COL5A1: variants seen among roughly 807,000 people sequenced by gnomAD.
COL5A1 encodes the protein collagen alpha-1(V) chain.
Under a neutral mutation model 263.7 loss-of-function variants are expected in COL5A1, and 16 were observed. The ratio of observed to expected loss-of-function variants is 0.06; its 90% CI spans 0.04 to 0.09. COL5A1 has a LOEUF of 0.09. Among genes scored for constraint, COL5A1 ranks in the 10% least tolerant of loss-of-function variants. COL5A1 has a pLI of 1.00. For synonymous variants in COL5A1, 1,012 were observed against 1,004.5 expected, an observed-to-expected ratio of 1.01 and a Z score of -0.14; for missense variants, 2,036 against 2,540.5, an observed-to-expected ratio of 0.80 and a Z score of 4.27.
At chr9:134,828,690 CATACCACAT>C (rs1194704778) in intron 63 of COL5A1, among the ~76,000 whole-genome samples, 5 of 151,034 alleles carry the variant, frequency 3.3e-5, no homozygotes, top group African/African-American at 9.9e-5. Context: ...ACACACCACA[CATACCACAT>C]ACCACACATA....
intron 1 of COL5A1, among the ~76,000 whole-genome samples, chr9:134,689,455 A>G (rs757297620): frequency 6.6e-6 from 1 of 152,158 alleles, no homozygotes; most frequent in Non-Finnish European, 1.5e-5. Context: ...TCCAATTGGC[A>G]TTAGCATAAA....
At chr9:134,748,084 C>G (rs866450296) in intron 11 of COL5A1, among the ~76,000 whole-genome samples, 1 of 150,670 alleles carries the variant, frequency 6.6e-6, no homozygotes, top group Non-Finnish European at 1.5e-5. Context: ...CACAAACATG[C>G]ATGCACAGAC....
Position 134,821,954 on chromosome 9 carries a change from C to G in COL5A1, c.4555-143C>G. ...TGCACAGCCCAGGATCAGAAAGCAGCCACAGGAGGCTGCTGAGGGGCCAAA... is the reference window on the plus strand; with the variant it reads ...TGCACAGCCCAGGATCAGAAAGCAGGCACAGGAGGCTGCTGAGGGGCCAAA... On this transcript the variant is annotated intron_variant, in intron 58 of 65. Transcript: ENST00000371817. The surrounding 1 kb of genome is among the most constrained non-coding windows in gnomAD (Gnocchi z 4.2). 1.3e-6 allele frequency: 1 copy of G among 763,938 alleles called. No individual in the cohort carries two copies. Among genetic ancestry groups the G allele is most frequent in the Non-Finnish European group, 2.3e-6 (1 of 427,084 alleles). The allele number at this position is 763,938 out of a possible 1,614,324, so 47.3% of individuals were successfully genotyped here.
At chr9:134,687,807 T>G (rs1037725403) in intron 1 of COL5A1, among the ~76,000 whole-genome samples, 2 of 152,150 alleles carry the variant, frequency 1.3e-5, no homozygotes, top group Admixed American at 6.5e-5. Flanking sequence ...AGAGAGGGGC[T>G]CTTGTTTGTT....
intron 62 of COL5A1, among the ~76,000 whole-genome samples, chr9:134,825,314 A>G (rs753460638): frequency 2.0e-5 from 3 of 152,178 alleles, no homozygotes; most frequent in Non-Finnish European, 2.9e-5. Context: ...TACTGTAAAA[A>G]CACATCCTTC....
chr9:134,735,302 C>CCCA (rs1554789012), intron 9 of COL5A1, among the ~76,000 whole-genome samples: 1 of 152,112 alleles, frequency 6.6e-6, no homozygotes, highest in South Asian at 2.1e-4. Context: ...TGATCCTGCA[C>CCCA]CCACCACCAC....
intron 11 of COL5A1, among the ~76,000 whole-genome samples, chr9:134,740,854 T>G (rs1464286548): frequency 1.3e-5 from 2 of 152,192 alleles, no homozygotes; most frequent in Non-Finnish European, 2.9e-5. Flanking sequence ...CTGGTCCTCC[T>G]CAAACTCACA....
At chr9:134,645,378 T>C (rs1831443996) in intron 1 of COL5A1, among the ~76,000 whole-genome samples, 1 of 152,136 alleles carries the variant, frequency 6.6e-6, no homozygotes, top group African/African-American at 2.4e-5. Flanking sequence ...TCCTGGGAGA[T>C]AGACCTTGAT....
At chr9:134,774,093 T>C (rs1158554947) in intron 26 of COL5A1, among the ~76,000 whole-genome samples, 2 of 152,266 alleles carry the variant, frequency 1.3e-5, no homozygotes, top group East Asian at 1.9e-4. Context: ...CCCACTGTTC[T>C]GAGAGCTGGC....
chr9:134,796,675 C>G (rs1340421152), intron 35 of COL5A1, among the ~76,000 whole-genome samples, 173 bp from the exon 36 acceptor site: 3 of 152,190 alleles, frequency 2.0e-5, no homozygotes, highest in Admixed American at 1.3e-4. Flanking sequence ...GGGCCCCATC[C>G]TGCCCCCGAG....
intron 61 of COL5A1, 35 bp downstream of exon 61, chr9:134,823,504 G>A (rs1474686085): frequency 1.2e-6 from 2 of 1,609,700 alleles, no homozygotes; most frequent in Admixed American, 1.7e-5. Flanking sequence ...AGCGGGACGG[G>A]GGCTCTGGCT....
Position 134,680,728 on chromosome 9 carries a change from T to C in COL5A1, c.110-10184T>C, listed in dbSNP as rs1481292305. Among the ~76,000 whole-genome samples, 1 of 152,180 alleles carries C rather than the reference T, an allele frequency of 6.6e-6. No individual in the cohort carries two copies. Among genetic ancestry groups the C allele is most frequent in the African/African-American group, 2.4e-5 (1 of 41,442 alleles). ...CAGGACGGTGACACTGGTGAGGAGATGGACCTGTGACAGCCAGGGCCTCCC... is the reference window on the plus strand; with the variant it reads ...CAGGACGGTGACACTGGTGAGGAGACGGACCTGTGACAGCCAGGGCCTCCC... On this transcript the variant is annotated intron_variant, in intron 1 of 65. Transcript: ENST00000371817. This position sits in a 1 kb window ranked among gnomAD's most constrained non-coding sequence, Gnocchi z 5.9.
chr9:134,828,705 A>ACAGACACACC, intron 63 of COL5A1, among the ~76,000 whole-genome samples: 3 of 494 alleles, frequency 6.1e-3, no homozygotes, highest in Non-Finnish European at 0.011. Context: ...CACATACCAC[A>ACAGACACACC]CATAGATACG....
At chr9:134,728,895 G>T (rs549291348) in intron 6 of COL5A1, 88 bp downstream of exon 6, 50 of 1,560,342 alleles carry the variant, frequency 3.2e-5, no homozygotes, top group Non-Finnish European at 4.0e-5. Flanking sequence ...TTGTGTCAGG[G>T]TAGAGGGTTG....
chr9:134,790,179 C>A (rs1564460377), intron 32 of COL5A1, among the ~76,000 whole-genome samples: 1 of 152,194 alleles, frequency 6.6e-6, no homozygotes, highest in Non-Finnish European at 1.5e-5. Context: ...TATGAGCAAA[C>A]AAATGTGTTC....
intron 4 of COL5A1, 84 bp from the exon 5 acceptor site, chr9:134,727,182 C>A: frequency 6.9e-7 from 1 of 1,455,154 alleles, no homozygotes; most frequent in Non-Finnish European, 9.6e-7. Flanking sequence ...CTTTCCCCTG[C>A]TTCAAGGCAT....
rs1311062337 is a variant in COL5A1, at chr9:134,821,101, C to G, written c.4554+878C>G. ...TGGCCAGTGTCCTCCATGCCATTGACTGTTTTCCTCTGCCGGTATCCCCAG... is the reference window on the plus strand; with the variant it reads ...TGGCCAGTGTCCTCCATGCCATTGAGTGTTTTCCTCTGCCGGTATCCCCAG... On this transcript the variant is annotated intron_variant, in intron 58 of 65. Coordinates refer to ENST00000371817, the MANE Select transcript of COL5A1 (RefSeq NM_000093.5). This position sits in a 1 kb window ranked among gnomAD's most constrained non-coding sequence, Gnocchi z 4.2. Among the ~76,000 whole-genome samples the G allele has an allele frequency of 1.3e-5, 2 of 152,158 alleles. No homozygotes were observed. The highest frequency in any genetic ancestry group is 3.9e-4 in the East Asian group (2 of 5,186).
chr9:134,763,659 A>C, intron 19 of COL5A1, 34 bp from the exon 20 acceptor site: 3 of 1,611,720 alleles, frequency 1.9e-6, no homozygotes, highest in African/African-American at 1.3e-5. Context: ...CTAACAGCTC[A>C]TTTCTCTAAC....
At chr9:134,676,786 G>A (rs1317044084) in intron 1 of COL5A1, among the ~76,000 whole-genome samples, 1 of 152,116 alleles carries the variant, frequency 6.6e-6, no homozygotes, top group Non-Finnish European at 1.5e-5. Context: ...TCTTTGGTTG[G>A]GTCATTCCTG....
Sources: allele counts gnomAD v4.1 joint callset (sites outside exome capture counted in the v4.1 genomes callset), GRCh38; gene constraint gnomAD v4.1.1; non-coding constraint Gnocchi (gnomAD v3.1); transcripts MANE v1.5; gene names NCBI Gene and HGNC (gene_info 2026-07-23, HGNC 2026-07-21).